Variants in KCNQ1OT1 observed in about 807,000 individuals in gnomAD.
KCNQ1OT1 encodes KCNQ1 opposite strand/antisense transcript 1, also known as KCNQ1 antisense RNA 2 (non-protein coding).
rs956184807 is a variant in KCNQ1OT1, at chr11:2,673,160, G to A, written n.26835C>T. 3.0e-5 allele frequency: 12 copies of A among 398,602 alleles called. No homozygotes were observed. The highest frequency in any genetic ancestry group is 8.8e-5 in the Admixed American group (2 of 22,716). The allele number at this position is 398,602 out of a possible 1,614,324, so 24.7% of individuals were successfully genotyped here. ...TGCTGACCATCCCTGACCCAAGCAC[G>A]AGGATCAGAATGGGCCCTGGAGCCA... On this transcript the variant is annotated non_coding_transcript_exon_variant, in exon 1 of 1. Coordinates refer to ENST00000597346, the Ensembl canonical transcript of KCNQ1OT1. This position sits in a 1 kb window ranked among gnomAD's most constrained non-coding sequence, Gnocchi z 4.5.
exon 1 of KCNQ1OT1, chr11:2,675,927 T>C (rs183159598): frequency 2.5e-6 from 1 of 398,648 alleles, no homozygotes; most frequent in East Asian, 3.6e-5. Context: ...TACAACAGTC[T>C]TTACACACAT....
exon 1 of KCNQ1OT1, chr11:2,641,571 T>C (rs1374432430): frequency 2.5e-6 from 1 of 398,542 alleles, no homozygotes; most frequent in East Asian, 3.6e-5. Context: ...AAATATTTTC[T>C]CCCATTCAAC....
rs954784391 is a variant in KCNQ1OT1 at position 2,658,898 on chromosome 11, G to A, written n.41097C>T. The A allele has an allele frequency of 4.5e-5, 18 of 398,230 alleles. No individual in the cohort carries two copies. The highest frequency in any genetic ancestry group is 1.4e-4 in the African/African-American group (7 of 48,530). 24.7% of individuals were successfully genotyped at this position (398,230 alleles called of 1,614,324 possible). A position where few individuals can be genotyped will look rare whatever the true frequency, so the allele number is the denominator to read the frequency against. ...TTATTTGTGTAACCCTATTGTACACGTAGTACCCTATGTGAAGCAAATTTA... is the reference window on the plus strand; with the variant it reads ...TTATTTGTGTAACCCTATTGTACACATAGTACCCTATGTGAAGCAAATTTA... On this transcript the variant is annotated non_coding_transcript_exon_variant, in exon 1 of 1. Coordinates refer to ENST00000597346, the Ensembl canonical transcript of KCNQ1OT1. The surrounding 1 kb of genome is among the most constrained non-coding windows in gnomAD (Gnocchi z 4.9).
exon 1 of KCNQ1OT1, chr11:2,633,022 A>G (rs915808539): frequency 7.3e-5 from 29 of 398,378 alleles, no homozygotes; most frequent in Non-Finnish European, 1.3e-4. Context: ...TCACTAATTT[A>G]TAGTCCCACA....
In KCNQ1OT1 at chr11:2,669,878, T is replaced by C; in HGVS notation, n.30117A>G. The C allele has an allele frequency of 2.5e-6, 1 of 398,622 alleles. No homozygotes were observed. Among genetic ancestry groups the C allele is most frequent in the Non-Finnish European group, 4.4e-6 (1 of 226,074 alleles). The allele number at this position is 398,622 out of a possible 1,614,324, so 24.7% of individuals were successfully genotyped here. ...GTCACAACATATGGCTGTCAGCTGC[T>C]GTCCTTAATAAGATGTGCCTAGAGG... On this transcript the variant is annotated non_coding_transcript_exon_variant, in exon 1 of 1. Transcript: ENST00000597346. This position sits in a 1 kb window ranked among gnomAD's most constrained non-coding sequence, Gnocchi z 5.6.
exon 1 of KCNQ1OT1, chr11:2,689,094 G>A (rs1033764563): frequency 2.5e-6 from 1 of 398,676 alleles, no homozygotes; most frequent in Non-Finnish European, 4.4e-6. Flanking sequence ...TGGAAGTTGG[G>A]TAGTCTGGCC....
In KCNQ1OT1 at chr11:2,668,878, C is replaced by T. The variant is rs1000837497; in HGVS notation, n.31117G>A. The T allele has an allele frequency of 1.3e-5, 5 of 398,490 alleles. No individual in the cohort carries two copies. The highest frequency in any genetic ancestry group is 2.2e-5 in the Non-Finnish European group (5 of 226,074). The allele number at this position is 398,490 out of a possible 1,614,324, so 24.7% of individuals were successfully genotyped here. A position where few individuals can be genotyped will look rare whatever the true frequency, so the allele number is the denominator to read the frequency against. Reference sequence around the variant, plus strand: ...TCCTATTTAAGAAACTTTGACTACTCCAAGGTCATAAAGATATTCTGGTTT... The same window carrying T: ...TCCTATTTAAGAAACTTTGACTACTTCAAGGTCATAAAGATATTCTGGTTT... On this transcript the variant is annotated non_coding_transcript_exon_variant, in exon 1 of 1. Coordinates refer to ENST00000597346, the Ensembl canonical transcript of KCNQ1OT1. The surrounding 1 kb of genome is among the most constrained non-coding windows in gnomAD (Gnocchi z 4.3).
In KCNQ1OT1 at chr11:2,613,273, C is replaced by T; in HGVS notation, n.86722G>A. 1 of 398,578 alleles carries T rather than the reference C, an allele frequency of 2.5e-6. No homozygotes were observed. Among genetic ancestry groups the T allele is most frequent in the Non-Finnish European group, 4.4e-6 (1 of 226,056 alleles). 24.7% of individuals were successfully genotyped at this position (398,578 alleles called of 1,614,324 possible). ...AGATAGCAGGAAACCTCTCTGATCT[C>T]TCCTGCAAGCATGTACAACTTCCAT... On this transcript the variant is annotated non_coding_transcript_exon_variant, in exon 1 of 1. Coordinates refer to ENST00000597346, the Ensembl canonical transcript of KCNQ1OT1. The surrounding 1 kb of genome is among the most constrained non-coding windows in gnomAD (Gnocchi z 4.8).
Position 2,669,318 on chromosome 11 carries a change from A to T in KCNQ1OT1, n.30677T>A, listed in dbSNP as rs1418409521. On this transcript the variant is annotated non_coding_transcript_exon_variant, in exon 1 of 1. Transcript: ENST00000597346. The surrounding 1 kb of genome is among the most constrained non-coding windows in gnomAD (Gnocchi z 5.6). ...CATACATATGCCAGTTGCCATGGAA[A>T]GCCTCCTCTAGGCGCAGCAGCCTCT... The T allele has an allele frequency of 5.0e-6, 2 of 398,504 alleles. No individual in the cohort carries two copies. The highest frequency in any genetic ancestry group is 8.8e-6 in the Non-Finnish European group (2 of 226,082). The allele number at this position is 398,504 out of a possible 1,614,324, so 24.7% of individuals were successfully genotyped here. A position where few individuals can be genotyped will look rare whatever the true frequency, so the allele number is the denominator to read the frequency against.
In KCNQ1OT1 at chr11:2,652,344, C is replaced by T. The variant is rs184744391; in HGVS notation, n.47651G>A. The T allele has an allele frequency of 4.2e-4, 169 of 398,618 alleles. No individual in the cohort carries two copies. The highest frequency in any genetic ancestry group is 2.9e-3 in the African/African-American group (142 of 48,740). The allele number at this position is 398,618 out of a possible 1,614,324, so 24.7% of individuals were successfully genotyped here. ...GTGAAGTTAAGAACTGGCACATTTC[C>T]GCGATGTTGTGATGAAGGTGAAAAG... On this transcript the variant is annotated non_coding_transcript_exon_variant, in exon 1 of 1. Transcript: ENST00000597346. This position sits in a 1 kb window ranked among gnomAD's most constrained non-coding sequence, Gnocchi z 5.9.
exon 1 of KCNQ1OT1, chr11:2,685,421 G>C: frequency 2.5e-6 from 1 of 398,710 alleles, no homozygotes; most frequent in African/African-American, 2.1e-5. Flanking sequence ...CCTTCACATA[G>C]AATTGTCACC....
Position 2,663,123 on chromosome 11 carries a change from T to C in KCNQ1OT1, n.36872A>G, listed in dbSNP as rs1030704925. On this transcript the variant is annotated non_coding_transcript_exon_variant, in exon 1 of 1. Coordinates refer to ENST00000597346, the Ensembl canonical transcript of KCNQ1OT1. The surrounding 1 kb of genome is among the most constrained non-coding windows in gnomAD (Gnocchi z 5.2). ...AGGAGTGGCTATCTTAAGGGGTAAT[T>C]ATGATCAGACAGGACCTGCCCACTG... 2 of 398,498 alleles carry C rather than the reference T, an allele frequency of 5.0e-6. No homozygotes were observed. Among genetic ancestry groups the C allele is most frequent in the African/African-American group, 4.1e-5 (2 of 48,596 alleles). The allele number at this position is 398,498 out of a possible 1,614,324, so 24.7% of individuals were successfully genotyped here. A position where few individuals can be genotyped will look rare whatever the true frequency, so the allele number is the denominator to read the frequency against.
exon 1 of KCNQ1OT1, chr11:2,610,730 T>G (rs1848966782): frequency 2.8e-6 from 1 of 357,786 alleles, no homozygotes; most frequent in East Asian, 4.0e-5. Flanking sequence ...TTTTTTTTTT[T>G]TTTTTTTTTT....
chr11:2,609,034 A>T, exon 1 of KCNQ1OT1: 1 of 396,868 alleles, frequency 2.5e-6, no homozygotes, highest in Non-Finnish European at 4.4e-6. Flanking sequence ...TTTTATTTCT[A>T]CTCTAATATT....
At chr11:2,680,573 CT>C (rs1850379168) in exon 1 of KCNQ1OT1, 1 of 398,350 alleles carries the variant, frequency 2.5e-6, no homozygotes, top group Non-Finnish European at 4.4e-6. Flanking sequence ...ATCTTACATA[CT>C]CCTTTACCTA....
rs1373375822 is a variant in KCNQ1OT1 at position 2,671,418 on chromosome 11, C to T, written n.28577G>A. The T allele has an allele frequency of 2.5e-6, 1 of 398,600 alleles. No individual in the cohort carries two copies. The highest frequency in any genetic ancestry group is 4.4e-6 in the Non-Finnish European group (1 of 226,066). The allele number at this position is 398,600 out of a possible 1,614,324, so 24.7% of individuals were successfully genotyped here. On this transcript the variant is annotated non_coding_transcript_exon_variant, in exon 1 of 1. Transcript: ENST00000597346. This position sits in a 1 kb window ranked among gnomAD's most constrained non-coding sequence, Gnocchi z 4.7. ...TCTCCCAGGGTACTCTGGATGTGCA[C>T]CCAGAGATTCTCCCACTTTAGCAGG...
Position 2,652,896 on chromosome 11 carries a change from G to A in KCNQ1OT1, n.47099C>T, listed in dbSNP as rs1196237540. The A allele has an allele frequency of 2.5e-6, 1 of 398,508 alleles. No homozygotes were observed. The highest frequency in any genetic ancestry group is 4.4e-6 in the Non-Finnish European group (1 of 226,122). The allele number at this position is 398,508 out of a possible 1,614,324, so 24.7% of individuals were successfully genotyped here. A position where few individuals can be genotyped will look rare whatever the true frequency, so the allele number is the denominator to read the frequency against. On this transcript the variant is annotated non_coding_transcript_exon_variant, in exon 1 of 1. Transcript: ENST00000597346. The surrounding 1 kb of genome is among the most constrained non-coding windows in gnomAD (Gnocchi z 5.9). ...AGAAGTGTTTGGGGTGTGGGGTGTG[G>A]TCCTCAGTATCCTAAACTTAGGTTT...
In KCNQ1OT1 at chr11:2,661,986, A is replaced by G; in HGVS notation, n.38009T>C. On this transcript the variant is annotated non_coding_transcript_exon_variant, in exon 1 of 1. Coordinates refer to ENST00000597346, the Ensembl canonical transcript of KCNQ1OT1. This position sits in a 1 kb window ranked among gnomAD's most constrained non-coding sequence, Gnocchi z 5.9. ...TAAGGAAGAGCCCAACACTGCTGGA[A>G]GTGAGCATGCCCCATTTCATGAGAA... The G allele has an allele frequency of 6.2e-7, 1 of 1,614,220 alleles. No homozygotes were observed. Among genetic ancestry groups the G allele is most frequent in the East Asian group, 2.2e-5 (1 of 44,876 alleles).
exon 1 of KCNQ1OT1, chr11:2,630,072 A>G: frequency 2.5e-6 from 1 of 398,214 alleles, no homozygotes; most frequent in Non-Finnish European, 4.4e-6. Flanking sequence ...TATGGCCTTT[A>G]TTGTGTTGCA....
Sources: allele counts gnomAD v4.1 joint callset, GRCh38; gene constraint gnomAD v4.1.1; non-coding constraint Gnocchi (gnomAD v3.1); transcripts MANE v1.5; gene names NCBI Gene and HGNC (gene_info 2026-07-23, HGNC 2026-07-21).